Variants in ZIC4 observed in about 807,000 individuals in gnomAD.
ZIC4 encodes the protein zinc finger protein ZIC 4.
In ZIC4, 15 loss-of-function variants were observed where a neutral mutation model predicts 28.8. The observed-to-expected ratio is 0.52, with a 90% CI of 0.35 to 0.80. ZIC4 has a LOEUF of 0.80. ZIC4 is among the 30% of genes least tolerant of loss of function. The pLI is 0.01. For synonymous variants in ZIC4, 220 were observed against 198.1 expected (o/e 1.11, Z -0.93); for missense variants, 512 against 467.1 (o/e 1.10, Z -0.89).
intron 1 of ZIC4, chr3:147,405,709 C>A: frequency 1.8e-6 from 1 of 570,740 alleles, no homozygotes; most frequent in Non-Finnish European, 3.1e-6. Context: ...CAGATCCCAG[C>A]AGTCAGCTTC....
chr3:147,388,687 T>C lies in ZIC4; in HGVS notation c.*172A>G. ...CCTGGACGGGCTCCAGGCTTGGCCT[T>C]TCAGGATTTCAGTGCGACTTGCACA... is the stretch of plus-strand genomic sequence containing the variant. On this transcript the variant is annotated 3_prime_UTR_variant, in exon 5 of 5. Transcript: ENST00000383075. 1 of 615,526 alleles carries C rather than the reference T, an allele frequency of 1.6e-6. No individual in the cohort carries two copies. The highest frequency in any genetic ancestry group is 2.1e-5 in the South Asian group (1 of 48,202). 38.1% of individuals were successfully genotyped at this position (615,526 alleles called of 1,614,324 possible). A position where few individuals can be genotyped will look rare whatever the true frequency, so the allele number is the denominator to read the frequency against.
In ZIC4 at chr3:147,392,396, G is replaced by A. The variant is rs973232721; in HGVS notation, c.689-1150C>T. 5.1e-6 allele frequency: 5 copies of A among 985,400 alleles called. No homozygotes were observed. In the African/African-American group the frequency reaches 7.0e-5, roughly 14 times the overall value. The allele number at this position is 985,400 out of a possible 1,614,324, so 61.0% of individuals were successfully genotyped here. A position where few individuals can be genotyped will look rare whatever the true frequency, so the allele number is the denominator to read the frequency against. ...GCACGTTAGAGTGACAATATTGGCC[G>A]GACCGAGCCCCAATCGGGGAGCTCA... On this transcript the variant is annotated intron_variant, in intron 3 of 4. Transcript: ENST00000383075.
intron 1 of ZIC4, among the ~76,000 whole-genome samples, chr3:147,403,266 T>C (rs1248020733): frequency 6.6e-6 from 1 of 152,202 alleles, no homozygotes. Flanking sequence ...TTTATAACTG[T>C]TGGAACCAAG....
In ZIC4 at chr3:147,404,112, G is replaced by C. The variant is rs1339495205; in HGVS notation, c.-15-1300C>G. The C allele has an allele frequency of 5.9e-6, 9 of 1,535,346 alleles. No individual in the cohort carries two copies. The African/African-American group carries it at 9.6e-5, about 16-fold the overall frequency. On this transcript the variant is annotated intron_variant, in intron 1 of 4. Transcript: ENST00000383075. ...GAAGGGCGGCATGCTGGGCGTCCTC[G>C]CTCTGAAATTTCCTCATGGCAGGAT...
chr3:147,397,611 G>A (rs769197460), intron 2 of ZIC4, among the ~76,000 whole-genome samples: 2 of 152,048 alleles, frequency 1.3e-5, no homozygotes, highest in African/African-American at 2.4e-5. Flanking sequence ...GCAGCATTGC[G>A]GGACCTCAGT....
At chr3:147,403,897 C>A (rs555808417) in intron 1 of ZIC4, 17 of 1,445,004 alleles carry the variant, frequency 1.2e-5, no homozygotes, top group Non-Finnish European at 1.5e-5. Flanking sequence ...ACTGGCTTGG[C>A]GGCTTTTACC....
At chr3:147,393,932 C>T in intron 3 of ZIC4, 1 of 456,698 alleles carries the variant, frequency 2.2e-6, no homozygotes, top group South Asian at 1.5e-5. Flanking sequence ...AAAGCCAGGC[C>T]CCGGATTCAG....
In ZIC4 at chr3:147,386,471, C is replaced by G. The variant is rs2086799120; in HGVS notation, c.*2388G>C. On this transcript the variant is annotated 3_prime_UTR_variant, in exon 5 of 5. Coordinates refer to ENST00000383075, the MANE Select transcript of ZIC4 (RefSeq NM_032153.6). ...CAAACATATGGAGACCTTCAGTTAA[C>G]AAATAAAATCAATATCAGGAAGAAC... 6.6e-6 allele frequency: 1 copy of G among 152,600 alleles called. No individual in the cohort carries two copies. 9.5% of individuals were successfully genotyped at this position (152,600 alleles called of 1,614,324 possible).
intron 3 of ZIC4, chr3:147,392,443 G>T (rs1245559045): frequency 1.1e-5 from 11 of 985,332 alleles, no homozygotes; most frequent in Non-Finnish European, 1.3e-5. Context: ...ATTCGCTGAC[G>T]TGTAGGAGAG....
chr3:147,400,472 C>T (rs973754136), intron 2 of ZIC4, among the ~76,000 whole-genome samples: 2 of 152,172 alleles, frequency 1.3e-5, no homozygotes, highest in Admixed American at 1.3e-4. Context: ...CATCTGGACC[C>T]ATTTTAGGTA....
intron 3 of ZIC4, among the ~76,000 whole-genome samples, chr3:147,393,244 G>T (rs1250263201): frequency 3.3e-5 from 5 of 152,114 alleles, no homozygotes; most frequent in Admixed American, 2.6e-4. Context: ...AGGAGCAGAG[G>T]AGAAAACAGC....
chr3:147,398,383 G>A (rs1453311735), intron 2 of ZIC4, among the ~76,000 whole-genome samples: 3 of 152,168 alleles, frequency 2.0e-5, no homozygotes, highest in Non-Finnish European at 4.4e-5. Context: ...GAGAGGGCCT[G>A]CAGGCCCGTG....
In ZIC4 at chr3:147,387,698, C is replaced by T. The variant is rs3796128; in HGVS notation, c.*1161G>A. The T allele has an allele frequency of 0.018, 2,797 of 152,702 alleles. 138 individuals are homozygous for T. Among genetic ancestry groups the T allele is most frequent in the East Asian group, 0.16 (843 of 5,162 alleles). 9.5% of individuals were successfully genotyped at this position (152,702 alleles called of 1,614,324 possible). On this transcript the variant is annotated 3_prime_UTR_variant, in exon 5 of 5. Transcript: ENST00000383075. ...GTTTGCATCTAGGACTAGTCCAGGC[C>T]TAAGGGTACCACACACCCTGCCTTA...
Position 147,396,367 on chromosome 3 carries a change from G to A in ZIC4, c.173C>T (p.Pro58Leu), listed in dbSNP as rs1483960802. ...EEPPQASPSR[P>L]LNGLLRLGLP... The stretch of plus-strand genomic sequence containing the variant: ...CCCCAGACGCAGGAGTCCATTCAAA[G>A]GACGGCTGGGGGAGGCCTGGGGAGG... The change falls in exon 3 of 5, where the codon CCT becomes CTT. Residue 58 changes from proline (P) to leucine (L), a missense_variant. Transcript: ENST00000383075. The surrounding 1 kb of genome is among the most constrained non-coding windows in gnomAD (Gnocchi z 4.2). The A allele has an allele frequency of 6.5e-7, 1 of 1,547,438 alleles. No homozygotes were observed. The highest frequency in any genetic ancestry group is 8.7e-7 in the Non-Finnish European group (1 of 1,150,756).
intron 1 of ZIC4, among the ~76,000 whole-genome samples, chr3:147,404,586 A>C (rs903731031): frequency 6.6e-6 from 1 of 152,162 alleles, no homozygotes; most frequent in South Asian, 2.1e-4. Context: ...GTTTTCCCCA[A>C]ATGCTTGCTC....
intron 1 of ZIC4, chr3:147,405,376 G>A: frequency 6.5e-7 from 1 of 1,536,112 alleles, no homozygotes; most frequent in Non-Finnish European, 8.7e-7. Context: ...ACATGACCTT[G>A]GAATCCAAAG....
chr3:147,399,755 T>G (rs2087126760), intron 2 of ZIC4, among the ~76,000 whole-genome samples: 1 of 149,784 alleles, frequency 6.7e-6, no homozygotes, highest in African/African-American at 2.5e-5. Flanking sequence ...AACCTCTGCC[T>G]CCCTGGTTCA....
Position 147,391,175 on chromosome 3 carries a change from G to T in ZIC4, c.760C>A (p.His254Asn). 6.2e-7 allele frequency: 1 copy of T among 1,609,304 alleles called. No homozygotes were observed. Reference sequence around the variant, plus strand: ...TTGTCGCTAGTGTGCACGTGCGAATGCTTCTTACGGTCGCTGCTGTTGGCG... The same window carrying T: ...TTGTCGCTAGTGTGCACGTGCGAATTCTTCTTACGGTCGCTGCTGTTGGCG... ...RFANSSDRKK[H>N]SHVHTSDKPY... is the part of the protein sequence containing the mutation. The change falls in exon 4 of 5, where the codon CAT becomes AAT. Residue 254 changes from histidine to asparagine, a missense_variant. Physicochemically the swap from His to Asn is moderately conservative, Grantham distance 68. Transcript: ENST00000383075.
chr3:147,402,979 C>T (rs1021331226), intron 1 of ZIC4, among the ~76,000 whole-genome samples, 167 bp from the exon 2 acceptor site: 2 of 151,960 alleles, frequency 1.3e-5, no homozygotes, highest in East Asian at 1.9e-4. Context: ...AGGATTTTGC[C>T]GGGAACAGCC....
Sources: gnomAD v4.1 joint callset for allele counts (sites outside exome capture counted in the v4.1 genomes callset) on GRCh38, gnomAD v4.1.1 for gene constraint, Gnocchi (gnomAD v3.1) non-coding constraint, MANE v1.5 for transcripts, NCBI Gene and HGNC (gene_info 2026-07-23, HGNC 2026-07-21) for gene names.